The following CAMK4 variants were observed in gnomAD, a reference collection of about 807,000 sequenced individuals.
The protein encoded by CAMK4 is calcium/calmodulin-dependent protein kinase type IV.
In CAMK4, 22 loss-of-function variants were observed where a neutral mutation model predicts 44.9. The ratio of observed to expected loss-of-function variants is 0.49; its 90% confidence interval spans 0.35 to 0.70. The LOEUF is 0.70. Ranked by LOEUF, CAMK4 falls within the 30% of genes least tolerant of loss-of-function variation. CAMK4 has a pLI of 0.01. For missense variants in CAMK4, 498 were observed against 586.8 expected (o/e 0.85, Z 1.56); for synonymous variants, 218 against 215.4 (o/e 1.01, Z -0.11).
At chr5:111,392,618 A>G (rs1314952914) in intron 4 of CAMK4, among the ~76,000 whole-genome samples, 3 of 152,216 alleles carry the variant, frequency 2.0e-5, no homozygotes, top group Admixed American at 2.0e-4. Flanking sequence ...GGAAAAGCAC[A>G]TAAAATGGAC....
intron 5 of CAMK4, among the ~76,000 whole-genome samples, chr5:111,415,573 C>T (rs1188164938): frequency 6.6e-6 from 1 of 152,130 alleles, no homozygotes; most frequent in African/African-American, 2.4e-5. Context: ...AAAAGAAATT[C>T]GTGCATAGCA....
chr5:111,379,228 C>T (rs929317936), intron 4 of CAMK4, among the ~76,000 whole-genome samples: 6 of 152,148 alleles, frequency 3.9e-5, no homozygotes, highest in African/African-American at 1.2e-4. Flanking sequence ...TACTTACCTA[C>T]CTCTATTGGC....
chr5:111,371,936 T>A (rs73788896), intron 2 of CAMK4, among the ~76,000 whole-genome samples: 4,937 of 152,204 alleles, frequency 0.032, 281 homozygotes, highest in African/African-American at 0.11. Context: ...AGAATTGAGG[T>A]ACAAAACTAG....
intron 5 of CAMK4, among the ~76,000 whole-genome samples, chr5:111,433,055 A>C (rs944272262): frequency 3.3e-5 from 5 of 152,214 alleles, no homozygotes; most frequent in African/African-American, 1.2e-4. Context: ...TTTGCTTATG[A>C]GACTAGAGGA....
At chr5:111,308,122 G>C (rs1298467973) in intron 1 of CAMK4, among the ~76,000 whole-genome samples, 1 of 119,830 alleles carries the variant, frequency 8.3e-6, no homozygotes, top group African/African-American at 3.4e-5. Flanking sequence ...AGGGGGGAGG[G>C]ATAGCATTGG....
intron 1 of CAMK4, among the ~76,000 whole-genome samples, chr5:111,269,079 A>G (rs1750387687): frequency 6.6e-6 from 1 of 152,236 alleles, no homozygotes; most frequent in Admixed American, 6.5e-5. Flanking sequence ...AAGTATTTTG[A>G]TACCAATAAT....
intron 8 of CAMK4, among the ~76,000 whole-genome samples, chr5:111,477,473 A>G (rs1755287115): frequency 6.6e-6 from 1 of 152,130 alleles, no homozygotes. Flanking sequence ...AACACATGCA[A>G]CACATGCCCT....
At chr5:111,277,706 G>A (rs1285500375) in intron 1 of CAMK4, 2 of 150,280 alleles carry the variant, frequency 1.3e-5, no homozygotes, top group Admixed American at 1.3e-4. Context: ...TTAAGTTTAT[G>A]ATACACAATT....
chr5:111,484,074 A>G lies in CAMK4; in HGVS notation c.1030A>G (p.Ser344Gly). The G allele has an allele frequency of 6.2e-7, 1 of 1,610,210 alleles. No homozygotes were observed. The highest frequency in any genetic ancestry group is 8.5e-7 in the Non-Finnish European group (1 of 1,178,042). The change falls in exon 11 of 11, where the codon AGC becomes GGC. Residue 344 changes from serine (S) to glycine (G), a missense_variant. Transcript: ENST00000282356. This position sits in a 1 kb window ranked among gnomAD's most constrained non-coding sequence, Gnocchi z 5.3. ...VASSRLGSASSSHGSIQESHK... is the reference protein window; with the variant it reads ...VASSRLGSASGSHGSIQESHK... ...CTCTTCGCGCCTGGGAAGTGCCAGC[A>G]GCAGCCATGGCAGCATCCAGGAGAG...
At chr5:111,345,222 G>A (rs1297209123) in intron 2 of CAMK4, among the ~76,000 whole-genome samples, 1 of 151,872 alleles carries the variant, frequency 6.6e-6, no homozygotes, top group East Asian at 1.9e-4. Context: ...AGAATTTACA[G>A]TCATAGCAAA....
intron 4 of CAMK4, among the ~76,000 whole-genome samples, chr5:111,378,723 C>G (rs969433496): frequency 5.3e-5 from 8 of 152,118 alleles, no homozygotes; most frequent in African/African-American, 1.9e-4. Context: ...GTTCTGGCAG[C>G]AGTTGTTTTT....
rs180734161 is a variant in CAMK4 at position 111,334,527 on chromosome 5, A to G, written c.162-9497A>G. Among the ~76,000 whole-genome samples, 237 of 151,548 alleles carry G rather than the reference A, an allele frequency of 1.6e-3. 1 individual carries two copies. The highest frequency in any genetic ancestry group is 3.0e-3 in the Non-Finnish European group (200 of 67,662). Reference sequence around the variant, plus strand: ...CTGCTCTTTAATATGACACACTTTCACCCCTAAGAAGAATCAATTTTGAGG... The same window carrying G: ...CTGCTCTTTAATATGACACACTTTCGCCCCTAAGAAGAATCAATTTTGAGG... On this transcript the variant is annotated intron_variant, in intron 1 of 10. Transcript: ENST00000282356.
chr5:111,365,405 G>T (rs1417671248), intron 2 of CAMK4, among the ~76,000 whole-genome samples: 4 of 152,094 alleles, frequency 2.6e-5, no homozygotes, highest in African/African-American at 9.7e-5. Flanking sequence ...AAAGAACTGA[G>T]AGGCAAGAAT....
chr5:111,446,540 C>A, intron 5 of CAMK4, 146 bp from the exon 6 acceptor site: 1 of 555,706 alleles, frequency 1.8e-6, no homozygotes, highest in African/African-American at 1.9e-5. Flanking sequence ...CAGTTTAAAA[C>A]AGATTTTCCT....
At chr5:111,255,459 G>C (rs1302959704) in intron 1 of CAMK4, among the ~76,000 whole-genome samples, 1 of 152,120 alleles carries the variant, frequency 6.6e-6, no homozygotes, top group African/African-American at 2.4e-5. Context: ...TGATTTTTCT[G>C]TACATTTCTT....
chr5:111,276,334 GGC>G (rs1013628796), intron 1 of CAMK4, among the ~76,000 whole-genome samples: 1 of 152,014 alleles, frequency 6.6e-6, no homozygotes, highest in African/African-American at 2.4e-5. Context: ...TCCTCTAATT[GGC>G]AGTGTACCCT....
chr5:111,468,839 G>A (rs974832303), intron 7 of CAMK4, among the ~76,000 whole-genome samples: 1 of 151,940 alleles, frequency 6.6e-6, no homozygotes, highest in African/African-American at 2.4e-5. Flanking sequence ...TTAGCTGGGT[G>A]TGGTGGCACC....
At chr5:111,251,719 T>C (rs1749503675) in intron 1 of CAMK4, among the ~76,000 whole-genome samples, 1 of 152,188 alleles carries the variant, frequency 6.6e-6, no homozygotes, top group Non-Finnish European at 1.5e-5. Context: ...TTCTAAATAT[T>C]AAATTGAAAT....
chr5:111,391,753 G>A (rs1381455347), intron 4 of CAMK4, among the ~76,000 whole-genome samples: 1 of 152,096 alleles, frequency 6.6e-6, no homozygotes, highest in Non-Finnish European at 1.5e-5. Flanking sequence ...GAAAGATTAT[G>A]CCACAAATCT....
Sources: allele counts gnomAD v4.1 joint callset (sites outside exome capture counted in the v4.1 genomes callset), GRCh38; gene constraint gnomAD v4.1.1; non-coding constraint Gnocchi (gnomAD v3.1); transcripts MANE v1.5; gene names NCBI Gene and HGNC (gene_info 2026-07-23, HGNC 2026-07-21).